Variants in PTPRO observed in about 807,000 individuals in gnomAD.
PTPRO encodes receptor-type tyrosine-protein phosphatase O.
In PTPRO, 62 loss-of-function variants were observed where a neutral mutation model predicts 145.2. That is an observed-to-expected ratio of 0.43 (90% confidence interval 0.35 to 0.53). PTPRO has a LOEUF of 0.53. Ranked by LOEUF, PTPRO falls within the 20% of genes least tolerant of loss-of-function variation. The pLI, the probability that PTPRO is intolerant of heterozygous loss-of-function variation, is 0.01. For missense variants in PTPRO, 1,345 were observed against 1,482.7 expected (o/e 0.91, Z 1.53); for synonymous variants, 565 against 514.7 (o/e 1.10, Z -1.32).
intron 2 of PTPRO, among the ~76,000 whole-genome samples, chr12:15,494,885 C>T (rs953845068): frequency 1.3e-5 from 2 of 152,076 alleles, no homozygotes; most frequent in Admixed American, 6.6e-5. Context: ...GTTACTGCTC[C>T]GTGGCTACTT....
At chr12:15,466,228 A>G (rs1023378464) in intron 1 of PTPRO, among the ~76,000 whole-genome samples, 21 of 152,162 alleles carry the variant, frequency 1.4e-4, no homozygotes, top group African/African-American at 4.1e-4. Flanking sequence ...TAATCCTGTT[A>G]TGCTTCATAA....
intron 17 of PTPRO, among the ~76,000 whole-genome samples, chr12:15,565,193 C>T (rs1016315246): frequency 3.9e-5 from 6 of 152,126 alleles, no homozygotes; most frequent in East Asian, 1.9e-4. Flanking sequence ...AACATTCCAC[C>T]GTCTCTTTAT....
intron 1 of PTPRO, among the ~76,000 whole-genome samples, chr12:15,467,409 A>AGTGTGT (rs71042254): frequency 0.24 from 35,553 of 149,970 alleles, 4,792 homozygotes; most frequent in Middle Eastern, 0.38. Flanking sequence ...GGTAGGGGTG[A>AGTGTGT]GTGTGTGTGT....
At chr12:15,447,071 A>G (rs1419555816) in intron 1 of PTPRO, among the ~76,000 whole-genome samples, 2 of 152,170 alleles carry the variant, frequency 1.3e-5, no homozygotes, top group African/African-American at 2.4e-5. Context: ...TACATTCAGC[A>G]TATGAATCAT....
intron 1 of PTPRO, among the ~76,000 whole-genome samples, chr12:15,448,437 T>G (rs1040961473): frequency 2.0e-5 from 3 of 148,968 alleles, no homozygotes; most frequent in Non-Finnish European, 4.5e-5. Context: ...GGCCTTGCAC[T>G]GTAAGTATTC....
rs549513705 is a variant in PTPRO, at chr12:15,504,114, C to T, written c.1267+45C>T. On this transcript the variant is annotated intron_variant, in intron 6 of 26. Transcript: ENST00000281171. The stretch of plus-strand genomic sequence containing the variant: ...TTTTACACTTACTGGGGAGCTAGAA[C>T]AATGGAACTGGTGGGATTAATGATG... The T allele has an allele frequency of 2.5e-4, 380 of 1,549,576 alleles. 5 individuals are homozygous for T. In the South Asian group the frequency reaches 4.1e-3, roughly 17 times the overall value.
intron 8 of PTPRO, among the ~76,000 whole-genome samples, chr12:15,515,976 GTT>G (rs779273373): frequency 7.9e-6 from 1 of 126,202 alleles, no homozygotes; most frequent in South Asian, 2.6e-4. Flanking sequence ...TGTTTGTCTG[GTT>G]TTTTTTTTGT....
rs572750011 is a variant in PTPRO at position 15,579,452 on chromosome 12, A to C, written c.2920+509A>C. ...TTTAGATTTCACTTTTCTCTCTGCT[A>C]CACGCTGTGGAGCTAGGCATGAATG... On this transcript the variant is annotated intron_variant, in intron 20 of 26. Coordinates refer to ENST00000281171, the MANE Select transcript of PTPRO (RefSeq NM_030667.3). 5.9e-5 allele frequency among the ~76,000 whole-genome samples: 9 copies of C among 152,364 alleles called. No homozygotes were observed. The East Asian group carries it at 1.7e-3, about 29-fold the overall frequency.
chr12:15,503,774 A>G, intron 5 of PTPRO, 134 bp from the exon 6 acceptor site: 1 of 644,022 alleles, frequency 1.6e-6, no homozygotes, highest in Non-Finnish European at 2.7e-6. Context: ...CCTTTAGTTT[A>G]GAGGTGTAAT....
intron 25 of PTPRO, 87 bp downstream of exon 25, chr12:15,589,677 C>T (rs1944506173): frequency 2.0e-6 from 3 of 1,493,224 alleles, no homozygotes; most frequent in Non-Finnish European, 2.8e-6. Context: ...AAACAATTCT[C>T]TCAAACTTCT....
intron 1 of PTPRO, among the ~76,000 whole-genome samples, chr12:15,444,493 T>C (rs932070737): frequency 6.6e-6 from 1 of 151,620 alleles, no homozygotes; most frequent in Admixed American, 6.6e-5. Context: ...AACTAAAAAT[T>C]GAAAAAGAAA....
rs1000074454 is a variant in PTPRO at position 15,597,433 on chromosome 12, G to A, written c.*1360G>A. The A allele has an allele frequency of 6.6e-6, 1 of 152,226 alleles. No individual in the cohort carries two copies. Among genetic ancestry groups the A allele is most frequent in the South Asian group, 2.1e-4 (1 of 4,830 alleles). The allele number at this position is 152,226 out of a possible 1,614,324, so 9.4% of individuals were successfully genotyped here. Reference sequence around the variant, plus strand: ...AGCCTCCGTGTGTGTGCTTCCAGGAGGCTTTGCTCCTCTTCATGCACCCGA... The same window carrying A: ...AGCCTCCGTGTGTGTGCTTCCAGGAAGCTTTGCTCCTCTTCATGCACCCGA... On this transcript the variant is annotated 3_prime_UTR_variant, in exon 27 of 27. Coordinates refer to ENST00000281171, the MANE Select transcript of PTPRO (RefSeq NM_030667.3).
chr12:15,541,008 A>G (rs1166181308), intron 12 of PTPRO, among the ~76,000 whole-genome samples: 1 of 152,198 alleles, frequency 6.6e-6, no homozygotes, highest in Non-Finnish European at 1.5e-5. Flanking sequence ...TTTAGAGGGT[A>G]TTTAAAAGCA....
At position 15,544,696 on chromosome 12, in the gene PTPRO, T is replaced by G. The variant is rs148478858; in HGVS notation, c.2165-1873T>G. On this transcript the variant is annotated intron_variant, in intron 12 of 26. Transcript: ENST00000281171. Reference sequence around the variant, plus strand: ...CATTCATCTATGCCCCCAAACAACTTCACACTTGGTTCTATAGATTCAAGT... The same window carrying G: ...CATTCATCTATGCCCCCAAACAACTGCACACTTGGTTCTATAGATTCAAGT... Among the ~76,000 whole-genome samples the G allele has an allele frequency of 4.5e-3, 680 of 152,134 alleles. 4 individuals are homozygous for G. The highest frequency in any genetic ancestry group is 6.6e-3 in the Non-Finnish European group (450 of 67,982).
chr12:15,525,439 T>C (rs1942817942), intron 11 of PTPRO, among the ~76,000 whole-genome samples: 1 of 152,100 alleles, frequency 6.6e-6, no homozygotes, highest in East Asian at 1.9e-4. Flanking sequence ...AGTTTATACC[T>C]CTCCCATGAT....
intron 12 of PTPRO, among the ~76,000 whole-genome samples, chr12:15,539,175 G>A (rs1943126908): frequency 6.6e-6 from 1 of 152,132 alleles, no homozygotes; most frequent in Non-Finnish European, 1.5e-5. Flanking sequence ...GGTGGGAAGT[G>A]GGTGGATGAT....
intron 7 of PTPRO, among the ~76,000 whole-genome samples, chr12:15,511,344 A>G (rs1942436362): frequency 6.6e-6 from 1 of 152,238 alleles, no homozygotes; most frequent in Admixed American, 6.5e-5. Flanking sequence ...GGAGAAACAT[A>G]GAAGTGTAAA....
At position 15,400,557 on chromosome 12, in the gene PTPRO, C is replaced by G. The variant is rs565232221; in HGVS notation, c.75+77756C>G. Among the ~76,000 whole-genome samples the G allele has an allele frequency of 3.3e-5, 5 of 152,320 alleles. No individual in the cohort carries two copies. The East Asian group carries it at 7.7e-4, about 23-fold the overall frequency. On this transcript the variant is annotated intron_variant, in intron 1 of 26. Transcript: ENST00000281171. ...TCATTCCTACTCCACAAAAGCTACT[C>G]TCTGACAAAGACACAGTCTCCAACT...
intron 1 of PTPRO, among the ~76,000 whole-genome samples, chr12:15,436,921 G>T (rs1940611470): frequency 6.6e-6 from 1 of 152,112 alleles, no homozygotes; most frequent in East Asian, 1.9e-4. Flanking sequence ...AAGACTTGCA[G>T]CCAGGGCCAG....
Sources: allele counts gnomAD v4.1 joint callset (sites outside exome capture counted in the v4.1 genomes callset), GRCh38; gene constraint gnomAD v4.1.1; transcripts MANE v1.5; gene names NCBI Gene and HGNC (gene_info 2026-07-23, HGNC 2026-07-21).